The following DHRSX variants were observed in gnomAD, a reference collection of about 807,000 sequenced individuals.
DHRSX encodes dehydrogenase/reductase X-linked, also known as polyprenol dehydrogenase.
Under a neutral mutation model 34.0 loss-of-function variants are expected in DHRSX, and 31 were observed. That is an observed-to-expected ratio of 0.91 (90% CI 0.69 to 1.23). The LOEUF is 1.23. Among genes scored for constraint, DHRSX ranks in the 50% most tolerant of loss-of-function variants. The pLI, the probability that DHRSX is intolerant of heterozygous loss-of-function variation, is 0.00. For missense variants in DHRSX, 414 were observed against 428.1 expected (o/e 0.97, Z 0.29); for synonymous variants, 201 against 183.8 (o/e 1.09, Z -0.76).
At chrX:2,472,853 G>C (rs2044614430) in intron 1 of DHRSX, among the ~76,000 whole-genome samples, 1 of 152,114 alleles carries the variant, frequency 6.6e-6, no homozygotes, top group African/African-American at 2.4e-5. Context: ...TAAAATGTTA[G>C]GGTAGTGTCT....
chrX:2,488,423 C>T, intron 1 of DHRSX: 1 of 591,048 alleles, frequency 1.7e-6, no homozygotes, highest in South Asian at 2.8e-5. Context: ...GATCTGCCCA[C>T]CTCGGCCTCC....
chrX:2,316,467 G>A (rs750600067), intron 3 of DHRSX, among the ~76,000 whole-genome samples: 50 of 152,124 alleles, frequency 3.3e-4, no homozygotes, highest in African/African-American at 1.2e-3. Context: ...CAGGAGAATC[G>A]CTTGAACCTG....
chrX:2,285,357 A>G (rs1051817661), intron 4 of DHRSX, among the ~76,000 whole-genome samples: 10 of 152,180 alleles, frequency 6.6e-5, no homozygotes, highest in Admixed American at 6.5e-4. Flanking sequence ...AGGAGCACAC[A>G]ACCTAGATCC....
intron 1 of DHRSX, among the ~76,000 whole-genome samples, chrX:2,479,028 C>T (rs190819622): frequency 6.6e-4 from 101 of 152,232 alleles, no homozygotes; most frequent in African/African-American, 2.4e-3. Flanking sequence ...GAAGTCATTC[C>T]CTAAGCATGT....
chrX:2,329,378 G>A (rs1426816624), intron 3 of DHRSX, among the ~76,000 whole-genome samples: 4 of 152,154 alleles, frequency 2.6e-5, no homozygotes, highest in South Asian at 2.1e-4. Context: ...CGGTTCAAAC[G>A]CCATATTGGT....
chrX:2,373,493 G>T (rs111471975), intron 3 of DHRSX, among the ~76,000 whole-genome samples: 43,219 of 151,962 alleles, frequency 0.28, 6,725 homozygotes, highest in Non-Finnish European at 0.37. Context: ...AGAATTAGGG[G>T]GTCTCTAGTC....
chrX:2,474,369 G>T (rs776038593), intron 1 of DHRSX, among the ~76,000 whole-genome samples: 3 of 152,120 alleles, frequency 2.0e-5, no homozygotes, highest in Non-Finnish European at 4.4e-5. Context: ...TGGGGCCAAG[G>T]GACCACTGCC....
At position 2,266,002 on chromosome X, in the gene DHRSX, G is replaced by A. The variant is rs1476404968; in HGVS notation, c.596+738C>T. 1.5e-3 allele frequency among the ~76,000 whole-genome samples: 172 copies of A among 110,974 alleles called. 6 individuals are homozygous for A. The highest frequency in any genetic ancestry group is 5.4e-3 in the African/African-American group (145 of 26,674). The allele number at this position is 110,974 out of a possible 152,430, so 72.8% of individuals were successfully genotyped here. A position where few individuals can be genotyped will look rare whatever the true frequency, so the allele number is the denominator to read the frequency against. ...CACTGTTCCCAGAGCACCAGTGCTC[G>A]GCAGACGCAGGAAGCACTGTTCCCA... On this transcript the variant is annotated intron_variant, in intron 5 of 6. Coordinates refer to ENST00000334651, the MANE Select transcript of DHRSX (RefSeq NM_145177.3).
chrX:2,275,343 CAA>C (rs768710073), intron 4 of DHRSX, among the ~76,000 whole-genome samples: 24,912 of 127,242 alleles, frequency 0.2, 2,653 homozygotes, highest in Middle Eastern at 0.29. Flanking sequence ...ACTAAAAATA[CAA>C]AAAAAAAAAA....
intron 3 of DHRSX, among the ~76,000 whole-genome samples, chrX:2,305,848 G>T (rs1219978771): frequency 1.3e-5 from 2 of 151,790 alleles, no homozygotes; most frequent in South Asian, 2.1e-4. Context: ...TGGGGGGTGG[G>T]GGGCAAGGGG....
chrX:2,404,624 A>C (rs1200882601), intron 3 of DHRSX, among the ~76,000 whole-genome samples: 1 of 152,122 alleles, frequency 6.6e-6, no homozygotes, highest in South Asian at 2.1e-4. Flanking sequence ...AATAATCTCA[A>C]ATCATAAAAC....
intron 5 of DHRSX, among the ~76,000 whole-genome samples, chrX:2,263,617 G>A (rs1324753675): frequency 2.0e-5 from 3 of 150,912 alleles, no homozygotes; most frequent in African/African-American, 7.3e-5. Context: ...GGGTTCAAGC[G>A]ATTCTCCTGC....
intron 3 of DHRSX, among the ~76,000 whole-genome samples, chrX:2,307,680 G>T (rs1234188566): frequency 2.0e-5 from 3 of 151,402 alleles, no homozygotes; most frequent in South Asian, 2.1e-4. Flanking sequence ...CAGGAGAATG[G>T]CATGAACCTG....
intron 3 of DHRSX, among the ~76,000 whole-genome samples, chrX:2,335,176 C>G (rs1407950162): frequency 7.1e-6 from 1 of 141,776 alleles, no homozygotes; most frequent in Admixed American, 7.3e-5. Flanking sequence ...CAGAGTAGGA[C>G]TCCATCTCAA....
rs550489547 is a variant in DHRSX, at chrX:2,323,209, T to A, written c.287-31606A>T. 1.4e-4 allele frequency among the ~76,000 whole-genome samples: 21 copies of A among 152,294 alleles called. No homozygotes were observed. In the South Asian group the frequency reaches 3.1e-3, roughly 23 times the overall value. On this transcript the variant is annotated intron_variant, in intron 3 of 6. Coordinates refer to ENST00000334651, the MANE Select transcript of DHRSX (RefSeq NM_145177.3). Reference sequence around the variant, plus strand: ...ACCAACAAGCACCTGGAAGGCAGAATAAAGACTCAGGTAGCCAAGCGCCAT... The same window carrying A: ...ACCAACAAGCACCTGGAAGGCAGAAAAAAGACTCAGGTAGCCAAGCGCCAT...
At chrX:2,498,011 T>G (rs2045324450) in intron 1 of DHRSX, among the ~76,000 whole-genome samples, 1 of 152,208 alleles carries the variant, frequency 6.6e-6, no homozygotes. Context: ...ATGGGAATTC[T>G]CAATTTGCTT....
intron 5 of DHRSX, among the ~76,000 whole-genome samples, chrX:2,260,589 A>T (rs2041350607): frequency 1.3e-5 from 2 of 151,710 alleles, no homozygotes; most frequent in African/African-American, 4.8e-5. Flanking sequence ...CCTCCCGAGT[A>T]CCTGGGATTA....
intron 3 of DHRSX, among the ~76,000 whole-genome samples, chrX:2,362,846 G>C (rs1178498766): frequency 7.5e-6 from 1 of 133,128 alleles, no homozygotes; most frequent in African/African-American, 2.9e-5. Flanking sequence ...ACCGTTCTAT[G>C]GTATCATGCC....
chrX:2,378,029 C>T (rs1401320110), intron 3 of DHRSX, among the ~76,000 whole-genome samples: 1 of 152,002 alleles, frequency 6.6e-6, no homozygotes, highest in African/African-American at 2.4e-5. Context: ...TGAGCCACTG[C>T]GCCCGGCCGT....
Sources: allele counts gnomAD v4.1 joint callset (sites outside exome capture counted in the v4.1 genomes callset), GRCh38; gene constraint gnomAD v4.1.1; transcripts MANE v1.5; gene names NCBI Gene and HGNC (gene_info 2026-07-23, HGNC 2026-07-21).